Variants in DNAH8 observed in about 807,000 individuals in gnomAD.
DNAH8 encodes the protein axonemal beta dynein heavy chain 8.
In DNAH8, 382 loss-of-function variants were observed where a neutral mutation model predicts 562.1. That is an observed-to-expected ratio of 0.68 (90% confidence interval 0.63 to 0.74). The LOEUF is 0.74. DNAH8 is among the 30% of genes least tolerant of loss of function. The pLI is 0.00. For missense variants in DNAH8, 5,203 were observed against 5,620.4 expected (o/e 0.93, Z 2.37); for synonymous variants, 1,881 against 1,919.4 (o/e 0.98, Z 0.52).
intron 83 of DNAH8, chr6:38,971,906 G>C (rs561929981): frequency 2.9e-6 from 1 of 340,162 alleles, no homozygotes; most frequent in Non-Finnish European, 5.3e-6. Context: ...TATGATTTGG[G>C]AGACACACCT....
Position 38,984,187 on chromosome 6 carries a change from T to A in DNAH8, c.12952-19T>A. 1 of 1,414,954 alleles carries A rather than the reference T, an allele frequency of 7.1e-7. No individual in the cohort carries two copies. The highest frequency in any genetic ancestry group is 9.9e-7 in the Non-Finnish European group (1 of 1,007,284). The allele number at this position is 1,414,954 out of a possible 1,614,324, so 87.6% of individuals were successfully genotyped here. On this transcript the variant is annotated intron_variant, in intron 86 of 92. Transcript: ENST00000327475. ...TGTTTGGGTTGACAATTAATAATCC[T>A]TTTTTACTTTTAATAAAGGGTGTAT...
chr6:38,795,317 C>T (rs1389171298), intron 21 of DNAH8, among the ~76,000 whole-genome samples: 11 of 152,152 alleles, frequency 7.2e-5, no homozygotes, highest in African/African-American at 2.2e-4. Context: ...CGGTGGCTCA[C>T]GCCCGTAATC....
intron 87 of DNAH8, among the ~76,000 whole-genome samples, chr6:38,986,775 A>G (rs1049115388): frequency 6.6e-6 from 1 of 152,240 alleles, no homozygotes; most frequent in African/African-American, 2.4e-5. Flanking sequence ...GACTTAAGCC[A>G]CTGGACACAG....
At position 38,781,342 on chromosome 6, in the gene DNAH8, G is replaced by C. The variant is rs1768586914; in HGVS notation, c.2228G>C (p.Arg743Pro). The C allele has an allele frequency of 6.2e-7, 1 of 1,613,520 alleles. No homozygotes were observed. Among genetic ancestry groups the C allele is most frequent in the East Asian group, 2.2e-5 (1 of 44,830 alleles). ...GKILWVRQLY[R>P]RISEPINYFF... ...ATACTCTGGGTGAGGCAGCTCTATC[G>C]CCGGATAAGTGAGCCCATCAATTAT... Residue 743 changes from arginine (R) to proline (P), a missense_variant, in exon 16 of 93, where the codon CGC becomes CCC. By Grantham distance (103) the Arg-to-Pro change is moderately radical. Around this residue, in one of 6 missense-constraint regions of DNAH8, gnomAD observed 2,176 missense variants for 2,365.1 expected, o/e 0.92. Coordinates refer to ENST00000327475, the MANE Select transcript of DNAH8 (RefSeq NM_001206927.2).
At chr6:38,767,845 T>C (rs1426219905) in intron 11 of DNAH8, among the ~76,000 whole-genome samples, 2 of 152,194 alleles carry the variant, frequency 1.3e-5, no homozygotes, top group African/African-American at 4.8e-5. Flanking sequence ...TTATGGTAAT[T>C]CTATGTTTAA....
In DNAH8 at chr6:39,012,279, T is replaced by C. The variant is rs763679903; in HGVS notation, c.13436T>C (p.Ile4479Thr). The C allele has an allele frequency of 1.9e-6, 3 of 1,612,892 alleles. No homozygotes were observed. In the South Asian group the frequency reaches 3.3e-5, roughly 18 times the overall value. Residue 4479 changes from isoleucine to threonine, a missense_variant, in exon 90 of 93, where the codon ATT (isoleucine) becomes ACT (threonine). Ile to Thr is a moderately conservative substitution (Grantham distance 89, BLOSUM62 -1). Coordinates refer to ENST00000327475, the MANE Select transcript of DNAH8 (RefSeq NM_001206927.2). ...ATGAACATATTTCTTAGACAAGAAATTGACAGAATGCAAAGAGTCATTTCA... is the reference window on the plus strand; with the variant it reads ...ATGAACATATTTCTTAGACAAGAAACTGACAGAATGCAAAGAGTCATTTCA... The part of the protein sequence containing the change: ...NSMNIFLRQE[I>T]DRMQRVISIL...
At chr6:38,997,869 T>C (rs1012679106) in intron 88 of DNAH8, among the ~76,000 whole-genome samples, 5 of 152,242 alleles carry the variant, frequency 3.3e-5, no homozygotes, top group African/African-American at 9.6e-5. Flanking sequence ...GCGGTTCTCA[T>C]GTCTCAGCCT....
In DNAH8 at chr6:38,896,020, AT is replaced by A. The variant is rs748668438; in HGVS notation, c.8748-9del. ...TCATATTTAACATTCTTACTACTAC[AT>A]TTTCCTTTCAGATTTATAACTCCTG... On this transcript the variant is annotated splice_polypyrimidine_tract_variant and intron_variant, in intron 59 of 92. Coordinates refer to ENST00000327475, the MANE Select transcript of DNAH8 (RefSeq NM_001206927.2). 6.2e-6 allele frequency: 10 copies of A among 1,605,930 alleles called. No individual in the cohort carries two copies. Among genetic ancestry groups the A allele is most frequent in the Non-Finnish European group, 7.7e-6 (9 of 1,175,358 alleles).
intron 33 of DNAH8, among the ~76,000 whole-genome samples, chr6:38,839,377 T>C (rs969813861): frequency 2.9e-4 from 44 of 151,638 alleles, no homozygotes; most frequent in Admixed American, 2.2e-3. Flanking sequence ...TTTGTTTTGT[T>C]TTTTTTTTGA....
At chr6:38,788,859 AT>A (rs1769432884) in intron 18 of DNAH8, among the ~76,000 whole-genome samples, 1 of 152,234 alleles carries the variant, frequency 6.6e-6, no homozygotes, top group Admixed American at 6.5e-5. Context: ...ATCCAAAGTC[AT>A]GAAGATTTGT....
rs773970749 is a variant in DNAH8 at position 39,008,851 on chromosome 6, A to T, written c.13252A>T (p.Ile4418Phe). The T allele has an allele frequency of 6.2e-7, 1 of 1,608,392 alleles. No individual in the cohort carries two copies. The change falls in exon 89 of 93, where the codon ATT (isoleucine) becomes TTT (phenylalanine). Residue 4418 changes from isoleucine (I) to phenylalanine (F), a missense_variant. This residue lies in a region of DNAH8 where 1,399 missense variants were observed against 1,518.4 expected (regional missense o/e 0.92). Coordinates refer to ENST00000327475, the MANE Select transcript of DNAH8 (RefSeq NM_001206927.2). ...CACTGCTTCTGCTGTTCTTGAAACAATTACCAACATTCAACCCAAAGAGAG... is the reference window on the plus strand; with the variant it reads ...CACTGCTTCTGCTGTTCTTGAAACATTTACCAACATTCAACCCAAAGAGAG... ...SNTASAVLET[I>F]TNIQPKESGG...
intron 13 of DNAH8, among the ~76,000 whole-genome samples, chr6:38,776,743 AC>A (rs1379385586): frequency 6.6e-6 from 1 of 152,170 alleles, no homozygotes; most frequent in African/African-American, 2.4e-5. Context: ...ATTAAGAGAC[AC>A]CAGATGGATG....
chr6:38,720,607 A>G (rs1762676064), intron 1 of DNAH8, among the ~76,000 whole-genome samples: 1 of 152,224 alleles, frequency 6.6e-6, no homozygotes, highest in Admixed American at 6.5e-5. Flanking sequence ...CTCTAAGCAG[A>G]CATATCCAAT....
intron 9 of DNAH8, among the ~76,000 whole-genome samples, chr6:38,754,937 G>T (rs1234398077): frequency 5.3e-5 from 8 of 151,660 alleles, no homozygotes; most frequent in African/African-American, 1.9e-4. Context: ...TGTTTTTTTT[G>T]TTTTGTTTTG....
chr6:39,007,820 G>A lies in DNAH8; in HGVS notation c.13215-994G>A, dbSNP rs573687353. On this transcript the variant is annotated intron_variant, in intron 88 of 92. Coordinates refer to ENST00000327475, the MANE Select transcript of DNAH8 (RefSeq NM_001206927.2). ...CCCCACCCCACTGCGTGGCTGACCT[G>A]TTCATCCTTCTGGTCTCAGCTTACA... Among the ~76,000 whole-genome samples, 5 of 151,010 alleles carry A rather than the reference G, an allele frequency of 3.3e-5. No homozygotes were observed. In the South Asian group the frequency reaches 1.1e-3, roughly 32 times the overall value.
Position 38,920,474 on chromosome 6 carries a change from A to C in DNAH8, c.10525-895A>C, listed in dbSNP as rs150412411. ...TTAAATTTACAGGAAGCAGATCATT[A>C]CCACATTGTAGGACTTAGAAAAATA... On this transcript the variant is annotated intron_variant, in intron 70 of 92. Transcript: ENST00000327475. Among the ~76,000 whole-genome samples the C allele has an allele frequency of 1.5e-3, 222 of 152,356 alleles. 1 individual carries two copies. Among genetic ancestry groups the C allele is most frequent in the African/African-American group, 5.1e-3 (213 of 41,582 alleles).
intron 88 of DNAH8, among the ~76,000 whole-genome samples, chr6:38,996,940 G>A (rs1765172437): frequency 6.7e-6 from 1 of 148,604 alleles, no homozygotes; most frequent in Admixed American, 6.8e-5. Flanking sequence ...ACACTAGTGA[G>A]GTCAGGTAGA....
Position 39,008,862 on chromosome 6 carries a change from T to A in DNAH8, c.13263T>A (p.Ile4421=), listed in dbSNP as rs1186139977. 1 of 1,608,016 alleles carries A rather than the reference T, an allele frequency of 6.2e-7. No individual in the cohort carries two copies. Among genetic ancestry groups the A allele is most frequent in the South Asian group, 1.1e-5 (1 of 90,860 alleles). ...CTGTTCTTGAAACAATTACCAACAT[T>A]CAACCCAAAGAGAGTGGAGGTGGTG... The part of the protein sequence containing the change: ...ASAVLETITN[I]QPKESGGGVG... Residue 4421 remains isoleucine, a synonymous_variant, in exon 89 of 93, where the codon ATT becomes ATA. Coordinates refer to ENST00000327475, the MANE Select transcript of DNAH8 (RefSeq NM_001206927.2).
chr6:39,025,815 A>G (rs1298713652), intron 91 of DNAH8, among the ~76,000 whole-genome samples: 1 of 151,948 alleles, frequency 6.6e-6, no homozygotes, highest in Non-Finnish European at 1.5e-5. Flanking sequence ...TAGATCATAA[A>G]TATGTTTTCT....
Sources: allele counts gnomAD v4.1 joint callset (sites outside exome capture counted in the v4.1 genomes callset), GRCh38; gene constraint gnomAD v4.1.1; regional missense constraint gnomAD v4.1.1; transcripts MANE v1.5; gene names NCBI Gene and HGNC (gene_info 2026-07-23, HGNC 2026-07-21).